Variants in DRC2 observed in about 807,000 individuals in gnomAD.
DRC2 encodes the protein dynein regulatory complex subunit 2, also known as coiled-coil domain containing 65.
chr12:48,906,365 G>A, the DRC2 span, among the ~76,000 whole-genome samples: 87 of 150,156 alleles, frequency 5.8e-4, 1 homozygote, highest in East Asian at 0.011. Context: ...GTGCAATGGC[G>A]CAGTCTTGGC....
At chr12:48,920,801 A>AT in the DRC2 span, 1 of 716,088 alleles carries the variant, frequency 1.4e-6, no homozygotes, top group Non-Finnish European at 2.3e-6. Context: ...TCCATTTGCT[A>AT]TATGTATTTA....
chr12:48,906,150 G>A, the DRC2 span, among the ~76,000 whole-genome samples: 1 of 152,150 alleles, frequency 6.6e-6, no homozygotes, highest in Non-Finnish European at 1.5e-5. Context: ...TCCCCCTCTA[G>A]AAAACACACA....
chr12:48,909,768 C>T, the DRC2 span, among the ~76,000 whole-genome samples: 93 of 148,820 alleles, frequency 6.2e-4, no homozygotes, highest in East Asian at 1.0e-3. Context: ...TGAGCCACCG[C>T]GCCCAGCCTC....
the DRC2 span, chr12:48,917,104 A>G: frequency 6.2e-7 from 1 of 1,613,996 alleles, no homozygotes; most frequent in Non-Finnish European, 8.5e-7. Flanking sequence ...GATCTCAAAA[A>G]CATGGTACGG....
chr12:48,914,639 G>A, the DRC2 span: 2 of 1,507,298 alleles, frequency 1.3e-6, no homozygotes. Flanking sequence ...GTGTCAAGGA[G>A]TTGCCTGTAA....
chr12:48,904,654 G>A, the DRC2 span, among the ~76,000 whole-genome samples: 1 of 152,272 alleles, frequency 6.6e-6, no homozygotes, highest in East Asian at 1.9e-4. Context: ...CGGAGGGGGT[G>A]CGTGGTATAC....
At chr12:48,920,313 T>A in the DRC2 span, among the ~76,000 whole-genome samples, 24 of 149,598 alleles carry the variant, frequency 1.6e-4, no homozygotes, top group Non-Finnish European at 3.4e-4. Context: ...TGGTGGCACA[T>A]GCCTGTAATC....
At chr12:48,910,834 TA>T in the DRC2 span, among the ~76,000 whole-genome samples, 97 of 152,110 alleles carry the variant, frequency 6.4e-4, no homozygotes, top group African/African-American at 2.3e-3. Context: ...CGCTTGAGCC[TA>T]GGAGTTCGAG....
At chr12:48,904,278 T>C in the DRC2 span, 2,779 of 1,570,232 alleles carry the variant, frequency 1.8e-3, 61 homozygotes, top group African/African-American at 0.036. Flanking sequence ...TCTTCTAAGC[T>C]CTGTAACGCG....
At chr12:48,912,459 A>AAAAAAAAAAAAAAAAAAAAAC in the DRC2 span, among the ~76,000 whole-genome samples, 1 of 150,418 alleles carries the variant, frequency 6.6e-6, no homozygotes, top group Non-Finnish European at 1.5e-5. Context: ...AAAAAAAAAA[A>AAAAAAAAAAAAAAAAAAAAAC]ATTCATGTGC....
chr12:48,918,907 A>G, the DRC2 span: 89 of 1,605,734 alleles, frequency 5.5e-5, no homozygotes, highest in Non-Finnish European at 7.5e-5. Flanking sequence ...TGATAAGGTA[A>G]CACAGGGGAG....
chr12:48,918,378 AGGATC>A, the DRC2 span: 4 of 1,614,096 alleles, frequency 2.5e-6, no homozygotes, highest in Non-Finnish European at 3.4e-6. Flanking sequence ...GATGCCACAG[AGGATC>A]GAAAGGCTGC....
At chr12:48,916,978 T>C in the DRC2 span, 2 of 1,613,800 alleles carry the variant, frequency 1.2e-6, no homozygotes, top group Non-Finnish European at 1.7e-6. Context: ...AGGAAGACAA[T>C]TATTGACCAA....
At chr12:48,917,892 G>C in the DRC2 span, among the ~76,000 whole-genome samples, 5 of 152,162 alleles carry the variant, frequency 3.3e-5, no homozygotes, top group African/African-American at 9.7e-5. Context: ...TTACCCCACA[G>C]TGTTTTATAC....
chr12:48,913,929 T>C, the DRC2 span, among the ~76,000 whole-genome samples: 1 of 146,808 alleles, frequency 6.8e-6, no homozygotes, highest in Non-Finnish European at 1.5e-5. Flanking sequence ...CCCAGTCTTT[T>C]TTTTTTTTTT....
the DRC2 span, among the ~76,000 whole-genome samples, chr12:48,907,659 G>T: frequency 1.2e-4 from 19 of 152,126 alleles, no homozygotes; most frequent in African/African-American, 4.6e-4. Context: ...TCAGGTAAAG[G>T]CCACTGGTTC....
At chr12:48,913,381 G>A in the DRC2 span, among the ~76,000 whole-genome samples, 3,764 of 151,746 alleles carry the variant, frequency 0.025, 166 homozygotes, top group African/African-American at 0.085. Flanking sequence ...TCAGCTCAAT[G>A]CAAACTTGGC....
At chr12:48,913,956 G>T in the DRC2 span, among the ~76,000 whole-genome samples, 2 of 145,948 alleles carry the variant, frequency 1.4e-5, no homozygotes, top group Admixed American at 6.9e-5. Flanking sequence ...TTGAGACAGG[G>T]TCTTGTTCTG....
chr12:48,908,690 C>A, the DRC2 span, among the ~76,000 whole-genome samples: 5 of 151,132 alleles, frequency 3.3e-5, 1 homozygote, highest in South Asian at 1.0e-3. Flanking sequence ...AACCTCTGCC[C>A]CCCGGGTTCA....
Sources: allele counts gnomAD v4.1 joint callset (sites outside exome capture counted in the v4.1 genomes callset), GRCh38; gene constraint gnomAD v4.1.1; transcripts MANE v1.5; gene names NCBI Gene and HGNC (gene_info 2026-07-23, HGNC 2026-07-21).